Variants in NBEAL1 observed in about 807,000 individuals in gnomAD.
The protein encoded by NBEAL1 is neurobeachin like 1, also known as neurobeachin-like protein 1.
Under a neutral mutation model 351.3 loss-of-function variants are expected in NBEAL1, and 273 were observed. The observed-to-expected ratio is 0.78, with a 90% confidence interval of 0.70 to 0.86. The LOEUF (loss-of-function observed/expected upper bound fraction) is 0.86, where lower values mean the gene tolerates loss of function less well. Among genes scored for constraint, NBEAL1 ranks in the 40% least tolerant of loss-of-function variants. NBEAL1 has a pLI of 0.00. For synonymous variants in NBEAL1, 1,050 were observed against 1,086.4 expected (o/e 0.97, Z 0.66); for missense variants, 2,961 against 3,201.3 (o/e 0.92, Z 1.81).
chr2:203,135,169 C>CAAAA (rs780103072), intron 27 of NBEAL1, among the ~76,000 whole-genome samples: 1 of 87,890 alleles, frequency 1.1e-5, no homozygotes, highest in Non-Finnish European at 2.4e-5. Context: ...GACCCTGTCT[C>CAAAA]AAAAAAAAAA....
At chr2:203,169,338 A>T (rs2064243382) in intron 38 of NBEAL1, among the ~76,000 whole-genome samples, 1 of 151,126 alleles carries the variant, frequency 6.6e-6, no homozygotes, top group East Asian at 2.0e-4. Context: ...GGTGATAAAA[A>T]ATTTCTGAAG....
chr2:203,068,444 T>C lies in NBEAL1; in HGVS notation c.567T>C (p.Ser189=). The C allele has an allele frequency of 6.5e-7, 1 of 1,547,556 alleles. No individual in the cohort carries two copies. Among genetic ancestry groups the C allele is most frequent in the South Asian group, 1.2e-5 (1 of 83,422 alleles). Residue 189 remains serine, a synonymous_variant, in exon 7 of 56, where the codon TCT becomes TCC. Transcript: ENST00000683969. ...GCAGACAGAAATATAAACCAGCTTC[T>C]CTCACAGTGGAATTCGTCCCTTTCT... is the stretch of plus-strand genomic sequence containing the variant. ...EKSRQKYKPA[S]LTVEFVPFFY...
chr2:203,190,703 C>T (rs1166552009), intron 46 of NBEAL1: 6 of 1,556,496 alleles, frequency 3.9e-6, no homozygotes, highest in African/African-American at 1.4e-5. Flanking sequence ...TCTCGGCTTT[C>T]GGCTCGGAGG....
At chr2:203,072,482 C>G (rs2061699511) in intron 7 of NBEAL1, among the ~76,000 whole-genome samples, 1 of 151,778 alleles carries the variant, frequency 6.6e-6, no homozygotes, top group Admixed American at 6.6e-5. Flanking sequence ...TTGTGCTTAA[C>G]AGTTTCTTCT....
intron 35 of NBEAL1, among the ~76,000 whole-genome samples, chr2:203,154,143 G>A (rs2063735628): frequency 7.0e-6 from 1 of 142,538 alleles, no homozygotes; most frequent in Non-Finnish European, 1.5e-5. Flanking sequence ...GGCTGAGGCA[G>A]GAGAATGGCA....
chr2:203,038,711 T>C (rs2061079010), intron 2 of NBEAL1, among the ~76,000 whole-genome samples: 1 of 149,050 alleles, frequency 6.7e-6, no homozygotes, highest in Non-Finnish European at 1.5e-5. Context: ...ATCTTTTTGT[T>C]TGCTGATGGC....
At chr2:203,032,122 A>G (rs1279757382) in intron 2 of NBEAL1, among the ~76,000 whole-genome samples, 1 of 152,164 alleles carries the variant, frequency 6.6e-6, no homozygotes, top group Non-Finnish European at 1.5e-5. Flanking sequence ...CTTGCGAACT[A>G]CCATATGAGT....
chr2:203,201,716 G>A lies in NBEAL1; in HGVS notation c.7411+1G>A. The stretch of plus-strand genomic sequence containing the variant: ...ATCTCACACATCATCCGGCATATGG[G>A]TAAGCATTAGCTTTTTTTCCAAAAA... On this transcript the variant is annotated splice_donor_variant, in intron 50 of 55. Transcript: ENST00000683969. LOFTEE classifies it high-confidence loss of function. 1 of 1,570,910 alleles carries A rather than the reference G, an allele frequency of 6.4e-7. No homozygotes were observed. Among genetic ancestry groups the A allele is most frequent in the Admixed American group, 1.9e-5 (1 of 52,370 alleles).
At chr2:203,210,842 T>C (rs1451630816) in intron 53 of NBEAL1, 116 bp from the exon 54 acceptor site, 3 of 538,258 alleles carry the variant, frequency 5.6e-6, no homozygotes, top group Non-Finnish European at 9.5e-6. Context: ...TATAGCCATA[T>C]TTTTATCCTA....
intron 15 of NBEAL1, 53 bp downstream of exon 15, chr2:203,110,335 C>T (rs1162565774): frequency 6.7e-7 from 1 of 1,497,262 alleles, no homozygotes; most frequent in Non-Finnish European, 9.0e-7. Flanking sequence ...TGGTATTTCC[C>T]ACCATTGTCA....
chr2:203,157,711 C>T lies in NBEAL1; in HGVS notation c.5600C>T (p.Ser1867Leu), dbSNP rs1407453094. Reference protein sequence around the residue: ...ALRDNLGIQHSQPSSDTLLLE... With the variant: ...ALRDNLGIQHLQPSSDTLLLE... ...GTGTTTAAAACAGGTATCCAACACT[C>T]ACAGCCTTCCAGTGATACATTGCTT... Residue 1867 changes from serine to leucine, a missense_variant, in exon 36 of 56, where the codon TCA becomes TTA. Physicochemically the swap from Ser to Leu is moderately radical, Grantham distance 145. Transcript: ENST00000683969. The T allele has an allele frequency of 6.3e-7, 1 of 1,590,506 alleles. No homozygotes were observed. The highest frequency in any genetic ancestry group is 1.4e-5 in the African/African-American group (1 of 73,750).
At chr2:203,136,545 G>GTAT (rs2063213581) in intron 28 of NBEAL1, 54 bp from the exon 29 acceptor site, 1 of 1,291,458 alleles carries the variant, frequency 7.7e-7, no homozygotes, top group East Asian at 2.3e-5. Context: ...CTTATGATGT[G>GTAT]CTTTGAACAA....
At chr2:203,047,310 G>A (rs2061245504) in intron 3 of NBEAL1, among the ~76,000 whole-genome samples, 1 of 151,100 alleles carries the variant, frequency 6.6e-6, no homozygotes, top group Non-Finnish European at 1.5e-5. Context: ...CACCTGTCAT[G>A]TACTGGCAAC....
chr2:203,024,793 C>T (rs371716867), intron 2 of NBEAL1, among the ~76,000 whole-genome samples: 26 of 151,728 alleles, frequency 1.7e-4, no homozygotes, highest in South Asian at 4.2e-4. Flanking sequence ...ACCTGGGGGG[C>T]GGAGACTGTA....
intron 12 of NBEAL1, among the ~76,000 whole-genome samples, chr2:203,103,515 G>T (rs1299788568): frequency 6.6e-6 from 1 of 152,060 alleles, no homozygotes. Flanking sequence ...CAAGTGATCT[G>T]CCTGCCTCAG....
At chr2:203,112,163 A>AAGGT in intron 16 of NBEAL1, 65 bp downstream of exon 16, 2 of 1,475,596 alleles carry the variant, frequency 1.4e-6, no homozygotes, top group Non-Finnish European at 1.8e-6. Context: ...TGTTTTAGTT[A>AAGGT]AGGTAGAAGG....
At position 203,167,286 on chromosome 2, in the gene NBEAL1, T is replaced by TA. The variant is rs752196002; in HGVS notation, c.5924dup (p.Tyr1975Ter). 1.7e-5 allele frequency: 28 copies of TA among 1,613,056 alleles called. No homozygotes were observed. The East Asian group carries it at 5.8e-4, about 33-fold the overall frequency. ...AATTCGAGAGATTCATCTCCGGCGT[T>TA]ACAATTTAAGAAGATCAGCCCTTGA... ...SQIREIHLRR[Y>*]NLRRSALEIF... is the part of the protein sequence containing the mutation. Residue 1975 changes from tyrosine (Y) to a stop codon, truncating the protein, a stop_gained and frameshift_variant, in exon 38 of 56, where the codon TAC (tyrosine) becomes TAAC (stop). Coordinates refer to ENST00000683969, the MANE Select transcript of NBEAL1 (RefSeq NM_001378026.1). LOFTEE classifies it high-confidence loss of function.
chr2:203,049,521 A>G (rs993762049), intron 3 of NBEAL1, among the ~76,000 whole-genome samples: 3 of 152,110 alleles, frequency 2.0e-5, no homozygotes, highest in African/African-American at 7.2e-5. Flanking sequence ...AAATAGTACA[A>G]TTGAAGATAT....
chr2:203,136,516 A>G (rs1001238016), intron 28 of NBEAL1, 83 bp from the exon 29 acceptor site: 7 of 984,010 alleles, frequency 7.1e-6, no homozygotes, highest in African/African-American at 4.9e-5. Context: ...AATGATTACA[A>G]TGAGTATATG....
Sources: gnomAD v4.1 joint callset for allele counts (sites outside exome capture counted in the v4.1 genomes callset) on GRCh38, gnomAD v4.1.1 for gene constraint, MANE v1.5 for transcripts, NCBI Gene and HGNC (gene_info 2026-07-23, HGNC 2026-07-21) for gene names.